CREB5: variants seen among roughly 807,000 people sequenced by gnomAD.
CREB5 encodes the protein cyclic AMP-responsive element-binding protein 5.
CREB5 carries 19 observed loss-of-function variants against 57.1 expected under a neutral mutation model. The observed-to-expected ratio is 0.33, with a 90% confidence interval of 0.23 to 0.49. The LOEUF is 0.49. Ranked by LOEUF, CREB5 falls within the 20% of genes least tolerant of loss-of-function variation. The pLI, the probability that CREB5 is intolerant of heterozygous loss-of-function variation, is 0.99. For synonymous variants in CREB5, 238 were observed against 238.3 expected (o/e 1.00, Z 0.01); for missense variants, 579 against 671.6 (o/e 0.86, Z 1.52).
intron 5 of CREB5, among the ~76,000 whole-genome samples, chr7:28,692,654 A>T (rs1801335091): frequency 6.6e-6 from 1 of 152,130 alleles, no homozygotes. Flanking sequence ...CTGTAATTCC[A>T]GCTACTCCAG....
chr7:28,744,627 C>T (rs995564113), intron 7 of CREB5, among the ~76,000 whole-genome samples: 3 of 152,066 alleles, frequency 2.0e-5, no homozygotes, highest in Admixed American at 6.6e-5. Context: ...GGATTACAGG[C>T]ATGAGCCACC....
chr7:28,445,802 C>T (rs142770728), intron 1 of CREB5, among the ~76,000 whole-genome samples: 100,810 of 150,964 alleles, frequency 0.67, 34,516 homozygotes, highest in East Asian at 0.87. Flanking sequence ...CCGCCTGCCT[C>T]AGCCTCCCAA....
At chr7:28,331,817 C>A (rs1044745853) in intron 1 of CREB5, among the ~76,000 whole-genome samples, 4 of 148,306 alleles carry the variant, frequency 2.7e-5, no homozygotes, top group Non-Finnish European at 4.4e-5. Flanking sequence ...CCATTGCACT[C>A]CAGCCTGGGT....
chr7:28,619,362 G>C (rs972077250), intron 5 of CREB5, among the ~76,000 whole-genome samples: 2 of 152,212 alleles, frequency 1.3e-5, no homozygotes, highest in African/African-American at 4.8e-5. Flanking sequence ...ATCTCACAGG[G>C]AATGTTCCTC....
intron 5 of CREB5, among the ~76,000 whole-genome samples, chr7:28,601,330 A>G (rs961978988): frequency 6.6e-6 from 1 of 152,152 alleles, no homozygotes; most frequent in Non-Finnish European, 1.5e-5. Context: ...GAAGGGAGGA[A>G]TAAGTTGGAA....
chr7:28,702,389 T>A lies in CREB5; in HGVS notation c.465-16364T>A, dbSNP rs536983731. Among the ~76,000 whole-genome samples, 70 of 152,354 alleles carry A rather than the reference T, an allele frequency of 4.6e-4. 1 individual carries two copies. The South Asian group carries it at 8.5e-3, about 18-fold the overall frequency. On this transcript the variant is annotated intron_variant, in intron 5 of 10. Transcript: ENST00000357727. ...AAGAAAACATTTCCATTTGGCATTTTCACTTTTGTGCTTGTCAAGAGAAAT... is the reference window on the plus strand; with the variant it reads ...AAGAAAACATTTCCATTTGGCATTTACACTTTTGTGCTTGTCAAGAGAAAT...
At chr7:28,345,778 A>G (rs1029227816) in intron 1 of CREB5, among the ~76,000 whole-genome samples, 1 of 152,216 alleles carries the variant, frequency 6.6e-6, no homozygotes, top group African/African-American at 2.4e-5. Flanking sequence ...GCAGGAATCC[A>G]TGCAGGCTCT....
intron 1 of CREB5, among the ~76,000 whole-genome samples, chr7:28,445,614 C>G (rs373688768): frequency 1.2e-4 from 18 of 151,758 alleles, no homozygotes; most frequent in Non-Finnish European, 2.1e-4. Context: ...TGCAGTGGCG[C>G]GATCTCGGCT....
chr7:28,520,519 C>T (rs904410033), intron 4 of CREB5, among the ~76,000 whole-genome samples: 1 of 152,258 alleles, frequency 6.6e-6, no homozygotes, highest in Non-Finnish European at 1.5e-5. Flanking sequence ...GCCAAATCCC[C>T]TTCCCAACGG....
chr7:28,600,924 T>C (rs1375016928), intron 5 of CREB5, among the ~76,000 whole-genome samples: 1 of 152,170 alleles, frequency 6.6e-6, no homozygotes, highest in Non-Finnish European at 1.5e-5. Flanking sequence ...CTCTTTGGCT[T>C]CCCTGCCCCC....
At chr7:28,560,183 A>G (rs1795022826) in intron 4 of CREB5, among the ~76,000 whole-genome samples, 1 of 152,208 alleles carries the variant, frequency 6.6e-6, no homozygotes, top group Non-Finnish European at 1.5e-5. Flanking sequence ...CAATCAACAG[A>G]TTTATTGCTT....
intron 3 of CREB5, among the ~76,000 whole-genome samples, chr7:28,499,703 C>T (rs868375374): frequency 7.2e-5 from 11 of 152,192 alleles, no homozygotes; most frequent in Middle Eastern, 3.2e-3. Flanking sequence ...CCTGCCTCAG[C>T]CTCCTGACTA....
chr7:28,663,835 C>T (rs2128714985), intron 5 of CREB5, among the ~76,000 whole-genome samples: 1 of 152,302 alleles, frequency 6.6e-6, no homozygotes, highest in Non-Finnish European at 1.5e-5. Flanking sequence ...TTCTTCTACA[C>T]CTTGACTTCT....
chr7:28,727,531 T>C (rs1249576181), intron 7 of CREB5, among the ~76,000 whole-genome samples: 1 of 152,250 alleles, frequency 6.6e-6, no homozygotes, highest in Non-Finnish European at 1.5e-5. Context: ...CAGATGATTC[T>C]GTAGTAATGT....
At chr7:28,441,218 TC>T (rs1789172564) in intron 1 of CREB5, among the ~76,000 whole-genome samples, 2 of 152,128 alleles carry the variant, frequency 1.3e-5, no homozygotes, top group East Asian at 3.9e-4. Context: ...ATGCACACAC[TC>T]TAAAAGTTTG....
At chr7:28,762,128 C>T (rs1276889075) in intron 7 of CREB5, among the ~76,000 whole-genome samples, 2 of 152,158 alleles carry the variant, frequency 1.3e-5, no homozygotes, top group Non-Finnish European at 2.9e-5. Context: ...GTTACAATGG[C>T]ACAACCCATA....
chr7:28,352,689 G>T (rs538815067), intron 1 of CREB5, among the ~76,000 whole-genome samples: 1 of 152,266 alleles, frequency 6.6e-6, no homozygotes, highest in Admixed American at 6.5e-5. Context: ...ACTTTTCCTG[G>T]CATCTCGTTT....
chr7:28,738,201 T>C (rs960112970), intron 7 of CREB5, among the ~76,000 whole-genome samples: 2 of 152,226 alleles, frequency 1.3e-5, no homozygotes, highest in African/African-American at 4.8e-5. Context: ...CGTCTAGCCC[T>C]GAGACTTAAT....
intron 7 of CREB5, among the ~76,000 whole-genome samples, chr7:28,748,166 T>C (rs1025140677): frequency 2.6e-5 from 4 of 152,246 alleles, no homozygotes; most frequent in Non-Finnish European, 5.9e-5. Flanking sequence ...AGGGACAGCA[T>C]AGAGCTCATG....
Sources: gnomAD v4.1 joint callset for allele counts (sites outside exome capture counted in the v4.1 genomes callset) on GRCh38, gnomAD v4.1.1 for gene constraint, MANE v1.5 for transcripts, NCBI Gene and HGNC (gene_info 2026-07-23, HGNC 2026-07-21) for gene names.